Variants in MCCC1 observed in about 807,000 individuals in gnomAD.
The protein encoded by MCCC1 is methylcrotonoyl-CoA carboxylase subunit alpha, mitochondrial.
In MCCC1, 64 loss-of-function variants were observed where a neutral mutation model predicts 83.8. The observed-to-expected ratio is 0.76, with a 90% CI of 0.62 to 0.94. The LOEUF (loss-of-function observed/expected upper bound fraction) is 0.94, where lower values mean the gene tolerates loss of function less well. MCCC1 is among the 40% of genes least tolerant of loss of function. MCCC1 has a pLI of 0.00. For missense variants in MCCC1, 807 were observed against 904.7 expected, an observed-to-expected ratio of 0.89 and a Z score of 1.39; for synonymous variants, 322 against 315.4, an observed-to-expected ratio of 1.02 and a Z score of -0.22.
intron 5 of MCCC1, 151 bp downstream of exon 5, chr3:183,072,215 T>G: frequency 1.2e-6 from 1 of 857,950 alleles, no homozygotes; most frequent in Admixed American, 2.7e-5. Context: ...TCTCACTAAG[T>G]TGCCCAGGCT....
chr3:183,022,574 A>C lies in MCCC1; in HGVS notation c.1732-20T>G. ...TTCAATCTGAAAAAAATGAAAAATA[A>C]GATTTTTAAAATAAATGAACAACAC... On this transcript the variant is annotated intron_variant, in intron 15 of 18. Coordinates refer to ENST00000265594, the MANE Select transcript of MCCC1 (RefSeq NM_020166.5). 1 of 1,580,146 alleles carries C rather than the reference A, an allele frequency of 6.3e-7. No individual in the cohort carries two copies. The highest frequency in any genetic ancestry group is 8.7e-7 in the Non-Finnish European group (1 of 1,152,216).
intron 2 of MCCC1, among the ~76,000 whole-genome samples, chr3:183,093,018 T>C (rs1577364672): frequency 6.6e-6 from 1 of 152,054 alleles, no homozygotes; most frequent in African/African-American, 2.4e-5. Context: ...TTCAGCCTCC[T>C]GAGTAGCTGA....
Position 183,082,881 on chromosome 3 carries a change from T to C in MCCC1, c.369+3812A>G, listed in dbSNP as rs553687086. ...GTGCCTACAGTCCCATCACAGCTAC[T>C]TGGGAGGCTGAGGTGGCAGGATCAC... On this transcript the variant is annotated intron_variant, in intron 4 of 18. Transcript: ENST00000265594. Among the ~76,000 whole-genome samples, 7 of 152,090 alleles carry C rather than the reference T, an allele frequency of 4.6e-5. No individual in the cohort carries two copies. The South Asian group carries it at 8.3e-4, about 18-fold the overall frequency.
At chr3:183,094,172 C>G (rs1000252828) in intron 2 of MCCC1, among the ~76,000 whole-genome samples, 3 of 151,782 alleles carry the variant, frequency 2.0e-5, no homozygotes, top group African/African-American at 7.3e-5. Context: ...CCTCAGCCTC[C>G]CAAGCATCTG....
intron 15 of MCCC1, among the ~76,000 whole-genome samples, chr3:183,025,358 G>A (rs1258938296): frequency 6.6e-6 from 1 of 152,178 alleles, no homozygotes; most frequent in Non-Finnish European, 1.5e-5. Flanking sequence ...TTGTCTAAAT[G>A]GTAAATATCA....
At chr3:183,102,761 T>C (rs866924741), upstream of MCCC1, among the ~76,000 whole-genome samples, 6 of 27,078 alleles carry the variant, frequency 2.2e-4, no homozygotes, top group African/African-American at 1.2e-3. Context: ...AGAGAAAGTT[T>C]TTTTTTTTTT....
intron 7 of MCCC1, among the ~76,000 whole-genome samples, chr3:183,062,357 T>G (rs1384622530): frequency 6.8e-6 from 1 of 147,280 alleles, no homozygotes; most frequent in Non-Finnish European, 1.5e-5. Context: ...TCAGTTTTTT[T>G]TTTTTTTTTT....
At chr3:183,097,683 G>A (rs1718839914) in intron 1 of MCCC1, among the ~76,000 whole-genome samples, 1 of 152,094 alleles carries the variant, frequency 6.6e-6, no homozygotes, top group Admixed American at 6.6e-5. Flanking sequence ...GAAAATACAG[G>A]CATGAACCAA....
upstream of MCCC1, among the ~76,000 whole-genome samples, chr3:183,101,885 C>T (rs1284196616): frequency 6.6e-6 from 1 of 152,096 alleles, no homozygotes; most frequent in Non-Finnish European, 1.5e-5. Flanking sequence ...ACTCCGGACA[C>T]GCTGCCTTAA....
chr3:183,042,285 T>G (rs10513789), intron 10 of MCCC1, among the ~76,000 whole-genome samples: 34,288 of 152,204 alleles, frequency 0.23, 4,476 homozygotes, highest in East Asian at 0.58. Context: ...TATGTTGATA[T>G]GTACTGCATG....
intron 9 of MCCC1, 64 bp downstream of exon 9, chr3:183,052,095 T>A (rs534987735): frequency 1.1e-5 from 17 of 1,483,604 alleles, no homozygotes; most frequent in Admixed American, 6.7e-5. Flanking sequence ...GTGTTTCTCT[T>A]GCCTTCTAAA....
Position 183,057,043 on chromosome 3 carries a change from C to T in MCCC1, c.873+268G>A, listed in dbSNP as rs949252220. Among the ~76,000 whole-genome samples, 6 of 152,302 alleles carry T rather than the reference C, an allele frequency of 3.9e-5. No individual in the cohort carries two copies. The East Asian group carries it at 5.8e-4, about 15-fold the overall frequency. On this transcript the variant is annotated intron_variant, in intron 8 of 18. Transcript: ENST00000265594. The stretch of plus-strand genomic sequence containing the variant: ...GTTGAAACCTCACTAGACAGCTTTT[C>T]GCTGTAAATCAGATAGGTGAATCAG...
chr3:183,112,897 A>T (rs1280283261), intron 1 of MCCC1, among the ~76,000 whole-genome samples: 5 of 150,974 alleles, frequency 3.3e-5, no homozygotes, highest in African/African-American at 1.2e-4. Flanking sequence ...ATGTAGTGAG[A>T]CCCCCATCTT....
At chr3:183,056,957 A>C (rs2108504999) in intron 8 of MCCC1, among the ~76,000 whole-genome samples, 1 of 152,316 alleles carries the variant, frequency 6.6e-6, no homozygotes, top group East Asian at 1.9e-4. Flanking sequence ...GGCCTCCCAA[A>C]GGGCTGGGAC....
Position 183,057,439 on chromosome 3 carries a change from A to C in MCCC1, c.762-17T>G, listed in dbSNP as rs758121090. ...TCTACATGCCTATATAAAAGCAAAC[A>C]TGTATGTTAATATATTTGTTAGGGG... is the stretch of plus-strand genomic sequence containing the variant. On this transcript the variant is annotated splice_polypyrimidine_tract_variant and intron_variant, in intron 7 of 18. Transcript: ENST00000265594. 6.4e-7 allele frequency: 1 copy of C among 1,550,976 alleles called. No individual in the cohort carries two copies. Among genetic ancestry groups the C allele is most frequent in the Non-Finnish European group, 8.8e-7 (1 of 1,132,062 alleles).
intron 14 of MCCC1, among the ~76,000 whole-genome samples, chr3:183,033,265 A>C (rs1264633846): frequency 6.6e-6 from 1 of 152,242 alleles, no homozygotes; most frequent in Non-Finnish European, 1.5e-5. Flanking sequence ...AGCCAACTCA[A>C]ATTAGTTTAC....
rs751228970 is a variant in MCCC1 at position 183,037,415 on chromosome 3, T to C, written c.1397A>G (p.Asn466Ser). 10 of 1,614,144 alleles carry C rather than the reference T, an allele frequency of 6.2e-6. No homozygotes were observed. Among genetic ancestry groups the C allele is most frequent in the Non-Finnish European group, 8.5e-6 (10 of 1,179,998 alleles). The change falls in exon 13 of 19, where the codon AAC (asparagine) becomes AGC (serine). Residue 466 changes from asparagine to serine, a missense_variant. Coordinates refer to ENST00000265594, the MANE Select transcript of MCCC1 (RefSeq NM_020166.5). ...RQYNIVGLHT[N>S]IDFLLNLSGH... is the part of the protein sequence containing the mutation. ...AGACAGGTTGAGTAAGAAGTCAATG[T>C]TGGTGTGCAGTCCAACAATCTAGGA...
At chr3:183,066,742 C>A (rs1250709897) in intron 7 of MCCC1, among the ~76,000 whole-genome samples, 1 of 152,224 alleles carries the variant, frequency 6.6e-6, no homozygotes, top group African/African-American at 2.4e-5. Flanking sequence ...TCATGTATAT[C>A]AAGCAAAACA....
intron 4 of MCCC1, among the ~76,000 whole-genome samples, chr3:183,076,630 A>G (rs1349558391): frequency 6.6e-6 from 1 of 152,192 alleles, no homozygotes; most frequent in African/African-American, 2.4e-5. Context: ...ATGATGCTTT[A>G]AAGTGTGTAT....
Sources: gnomAD v4.1 joint callset for allele counts (sites outside exome capture counted in the v4.1 genomes callset) on GRCh38, gnomAD v4.1.1 for gene constraint, MANE v1.5 for transcripts, NCBI Gene and HGNC (gene_info 2026-07-23, HGNC 2026-07-21) for gene names.